The following ZNF219 variants were observed in gnomAD, a reference collection of about 807,000 sequenced individuals.
The protein encoded by ZNF219 is zinc finger protein 219.
ZNF219 carries 17 observed loss-of-function variants against 54.4 expected under a neutral mutation model. The observed-to-expected ratio is 0.31, with a 90% CI of 0.21 to 0.47. ZNF219 has a LOEUF of 0.47. Among genes scored for constraint, ZNF219 ranks in the 20% least tolerant of loss-of-function variants. The probability of loss-of-function intolerance (pLI) is 1.00; values close to 1 mark genes in which losing one functional copy is unlikely to be tolerated. For synonymous variants in ZNF219, 518 were observed against 476.4 expected, an observed-to-expected ratio of 1.09 and a Z score of -1.14; for missense variants, 1,014 against 1,062.3, an observed-to-expected ratio of 0.95 and a Z score of 0.63.
chr14:21,102,009 C>T (rs772743009), upstream of ZNF219: 1 of 1,550,782 alleles, frequency 6.4e-7, no homozygotes, highest in South Asian at 1.2e-5. Context: ...TGGAAGGTCC[C>T]AGGGCCCCTT....
Position 21,098,345 on chromosome 14 carries a change from G to GGA in ZNF219, c.-118_-117insTC. ...GGCGGGCGGCGGCGGAGCGGGCGGC[G>GGA]GCGGCGGCGGCGGCGGCGGGCGGCG... On this transcript the variant is annotated 5_prime_UTR_variant, in exon 1 of 5. The change abolishes the stop of an existing upstream ORF in the 5' untranslated region. Coordinates refer to ENST00000360947, the MANE Select transcript of ZNF219 (RefSeq NM_016423.3). The GGA allele has an allele frequency of 3.5e-6, 1 of 285,216 alleles. No individual in the cohort carries two copies. The highest frequency in any genetic ancestry group is 5.2e-6 in the Non-Finnish European group (1 of 193,780). 17.7% of individuals were successfully genotyped at this position (285,216 alleles called of 1,614,324 possible).
At chr14:21,104,608 G>A (rs2139361371) in exon 1 of ZNF219, 1 of 152,344 alleles carries the variant, frequency 6.6e-6, no homozygotes, top group Non-Finnish European at 1.5e-5. Context: ...TGCTTCTCCC[G>A]GCCTAGCCAG....
At chr14:21,101,935 G>C (rs374427336), upstream of ZNF219, 354 of 1,551,530 alleles carry the variant, frequency 2.3e-4, 1 homozygote, top group Non-Finnish European at 2.1e-4. Context: ...AACTCTGATT[G>C]TCACATGGCC....
At chr14:21,102,955 A>G (rs918029892), upstream of ZNF219, 53 of 1,358,014 alleles carry the variant, frequency 3.9e-5, no homozygotes, top group Non-Finnish European at 4.4e-5. Context: ...ATGGTGGGTA[A>G]GAGGAAACTG....
chr14:21,100,006 T>C (rs1438157714), upstream of ZNF219, among the ~76,000 whole-genome samples: 1 of 152,152 alleles, frequency 6.6e-6, no homozygotes, highest in Non-Finnish European at 1.5e-5. Context: ...CAACAACTCT[T>C]CACAGTCATA....
intron 1 of ZNF219, chr14:21,097,307 G>A (rs1889329133): frequency 1.3e-5 from 2 of 152,276 alleles, no homozygotes. Context: ...CAGGAGGCGA[G>A]AGGAAGGCAC....
chr14:21,101,502 A>G, upstream of ZNF219: 1 of 1,469,910 alleles, frequency 6.8e-7, no homozygotes, highest in Non-Finnish European at 9.3e-7. Flanking sequence ...CTTCTACCCA[A>G]TTCAATTCCA....
At chr14:21,101,975 A>C (rs754712981), upstream of ZNF219, 1 of 1,551,526 alleles carries the variant, frequency 6.4e-7, no homozygotes, top group South Asian at 1.2e-5. Context: ...CTGGAGCCTC[A>C]GTAAGACCCA....
upstream of ZNF219, chr14:21,098,931 A>G: frequency 9.1e-7 from 1 of 1,096,596 alleles, no homozygotes. Flanking sequence ...TTGGGGGAGG[A>G]GGAGGGGCGA....
chr14:21,103,535 G>C, upstream of ZNF219: 1 of 418,962 alleles, frequency 2.4e-6, no homozygotes, highest in Non-Finnish European at 4.3e-6. Flanking sequence ...TTTCTTTTCT[G>C]TCCACCTTTC....
At position 21,091,906 on chromosome 14, in the gene ZNF219, G is replaced by T; in HGVS notation, c.1391C>A (p.Ala464Asp). Residue 464 changes from alanine (A) to aspartate (D), a missense_variant, in exon 3 of 5, where the codon GCC becomes GAC. Physicochemically the swap from Ala to Asp is moderately radical, Grantham distance 126. This residue lies in a region of ZNF219 where 272 missense variants were observed against 248.9 expected (regional missense o/e 1.09). Coordinates refer to ENST00000360947, the MANE Select transcript of ZNF219 (RefSeq NM_016423.3). Reference sequence around the variant, plus strand: ...TCTTGCCTGGGCCCCAGCAGCAGAGGCAGAGTGCCCCGGTCCCTCACCCGG... The same window carrying T: ...TCTTGCCTGGGCCCCAGCAGCAGAGTCAGAGTGCCCCGGTCCCTCACCCGG... ...PRPGEGPGHS[A>D]SAAGAQARST... The T allele has an allele frequency of 6.3e-7, 1 of 1,590,484 alleles. No homozygotes were observed.
chr14:21,101,634 A>C (rs1889637064), upstream of ZNF219: 1 of 665,582 alleles, frequency 1.5e-6, no homozygotes, highest in African/African-American at 1.8e-5. Flanking sequence ...TAATCTCCCA[A>C]GTAGCTTCCA....
rs1353496901 is a variant in ZNF219 at position 21,093,104 on chromosome 14, G to C, written c.193C>G (p.Arg65Gly). ...RRFPCPVCGK[R>G]FRFNSILALH... The stretch of plus-strand genomic sequence containing the variant: ...GCAAGGATAGAGTTGAAGCGGAAGC[G>C]CTTCCCGCATACAGGGCAGGGGAAG... Residue 65 changes from arginine to glycine, a missense_variant, in exon 3 of 5, where the codon CGC becomes GGC. This residue lies in a region of ZNF219 where 395 missense variants were observed against 415.1 expected (regional missense o/e 0.95). Transcript: ENST00000360947. 1.2e-6 allele frequency: 2 copies of C among 1,608,260 alleles called. No individual in the cohort carries two copies. The highest frequency in any genetic ancestry group is 1.3e-5 in the African/African-American group (1 of 74,802).
chr14:21,099,494 G>A (rs1301300258), upstream of ZNF219, among the ~76,000 whole-genome samples: 1 of 152,162 alleles, frequency 6.6e-6, no homozygotes, highest in Non-Finnish European at 1.5e-5. Context: ...CCCCGGGAAA[G>A]AAAAGAGTAG....
At chr14:21,095,211 G>T (rs1371190032) in intron 1 of ZNF219, among the ~76,000 whole-genome samples, 1 of 152,166 alleles carries the variant, frequency 6.6e-6, no homozygotes, top group Non-Finnish European at 1.5e-5. Context: ...ATTAGCAGAT[G>T]ATTAATTAAC....
In ZNF219 at chr14:21,092,075, G is replaced by A. The variant is rs1289227061; in HGVS notation, c.1222C>T (p.Arg408Cys). ...PGPGRSFGGF[R>C]PLSSALPARA... ...GCCGGGAGAGCAGAGGACAGCGGGCGGAAGCCTCCGAAGCTGCGGCCGGGA... is the reference window on the plus strand; with the variant it reads ...GCCGGGAGAGCAGAGGACAGCGGGCAGAAGCCTCCGAAGCTGCGGCCGGGA... Residue 408 changes from arginine (R) to cysteine (C), a missense_variant, in exon 3 of 5, where the codon CGC becomes TGC. Arg to Cys is a radical substitution (Grantham distance 180, BLOSUM62 -3). Coordinates refer to ENST00000360947, the MANE Select transcript of ZNF219 (RefSeq NM_016423.3). The A allele has an allele frequency of 6.5e-6, 10 of 1,537,746 alleles. No homozygotes were observed. Among genetic ancestry groups the A allele is most frequent in the East Asian group, 2.5e-5 (1 of 40,004 alleles).
Position 21,092,148 on chromosome 14 carries a change from G to A in ZNF219, c.1149C>T (p.Ser383=). 1 of 1,480,296 alleles carries A rather than the reference G, an allele frequency of 6.8e-7. No individual in the cohort carries two copies. The highest frequency in any genetic ancestry group is 8.9e-7 in the Non-Finnish European group (1 of 1,120,984). The allele number at this position is 1,480,296 out of a possible 1,614,324, so 91.7% of individuals were successfully genotyped here. A position where few individuals can be genotyped will look rare whatever the true frequency, so the allele number is the denominator to read the frequency against. The change falls in exon 3 of 5, where the codon AGC becomes AGT. Residue 383 remains serine, a synonymous_variant. Transcript: ENST00000360947. ...TGGGCCGGCCCTCGCCAGCTCGCAG[G>A]CTCAGGTAGCCCAAGAGGCTCGGGG... ...REPPSLLGYL[S]LRAGEGRPNG...
upstream of ZNF219, chr14:21,103,172 G>A (rs1466032569): frequency 6.4e-7 from 1 of 1,551,688 alleles, no homozygotes; most frequent in Non-Finnish European, 8.7e-7. Context: ...TCCTGGTTTG[G>A]AGAATGGTCC....
At chr14:21,098,883 T>TA (rs1430725415), upstream of ZNF219, 1 of 1,282,450 alleles carries the variant, frequency 7.8e-7, no homozygotes, top group Non-Finnish European at 1.0e-6. Flanking sequence ...CCTGGGGTTT[T>TA]ATCTCAAAGC....
Sources: gnomAD v4.1 joint callset for allele counts (sites outside exome capture counted in the v4.1 genomes callset) on GRCh38, gnomAD v4.1.1 for gene constraint, gnomAD v4.1.1 regional missense constraint, MANE v1.5 for transcripts, NCBI Gene and HGNC (gene_info 2026-07-23, HGNC 2026-07-21) for gene names.